IGFN1: variants seen among roughly 807,000 people sequenced by gnomAD.
The protein encoded by IGFN1 is immunoglobulin-like and fibronectin type III domain-containing protein 1.
IGFN1 carries 253 observed loss-of-function variants against 289.5 expected under a neutral mutation model. The observed-to-expected ratio is 0.87, with a 90% CI of 0.79 to 0.97. The LOEUF (loss-of-function observed/expected upper bound fraction) is 0.97. IGFN1 is among the 50% of genes least tolerant of loss of function. IGFN1 has a pLI of 0.00. For missense variants in IGFN1, 4,470 were observed against 4,686.1 expected, an observed-to-expected ratio of 0.95 and a Z score of 1.35; for synonymous variants, 1,706 against 1,788.5, an observed-to-expected ratio of 0.95 and a Z score of 1.16.
At position 201,205,261 on chromosome 1, in the gene IGFN1, C is replaced by T. The variant is rs562864069; in HGVS notation, c.1096C>T (p.Arg366Trp). The T allele has an allele frequency of 1.9e-4, 287 of 1,550,958 alleles. 2 individuals are homozygous for T. Among genetic ancestry groups the T allele is most frequent in the Non-Finnish European group, 2.3e-4 (267 of 1,146,960 alleles). ...TGTGTCCCCTGACGGGCTGACCCAC[C>T]GGCTGGTGGTGAGGGGGGCACGTTT... ...VYVSPDGLTHRLVVRGARFSD... is the reference protein window; with the variant it reads ...VYVSPDGLTHWLVVRGARFSD... The change falls in exon 11 of 24, where the codon CGG becomes TGG. Residue 366 changes from arginine (R) to tryptophan (W), a missense_variant. Coordinates refer to ENST00000335211, the MANE Select transcript of IGFN1 (RefSeq NM_001164586.2).
At position 201,200,367 on chromosome 1, in the gene IGFN1, A is replaced by G. The variant is rs1667099049; in HGVS notation, c.589A>G (p.Arg197Gly). The G allele has an allele frequency of 6.4e-7, 1 of 1,551,796 alleles. No homozygotes were observed. The highest frequency in any genetic ancestry group is 8.7e-7 in the Non-Finnish European group (1 of 1,147,012). The change falls in exon 8 of 24, where the codon AGG becomes GGG. Residue 197 changes from arginine (R) to glycine (G), a missense_variant. This residue lies in a region of IGFN1 where 2,011 missense variants were observed against 1,953.4 expected (regional missense o/e 1.03). Coordinates refer to ENST00000335211, the MANE Select transcript of IGFN1 (RefSeq NM_001164586.2). The stretch of plus-strand genomic sequence containing the variant: ...CGTCGACTACCGTGGCATGTTGCGC[A>G]GGCTGCAGGAGATGAAGAAGGAACA... ...GIVDYRGMLR[R>G]LQEMKKEQED...
Position 201,218,805 on chromosome 1 carries a change from G to C in IGFN1, c.9898+147G>C, listed in dbSNP as rs538185833. On this transcript the variant is annotated intron_variant, in intron 18 of 23. Coordinates refer to ENST00000335211, the MANE Select transcript of IGFN1 (RefSeq NM_001164586.2). ...GAGGGCTGGGATATAAAAATCAAAA[G>C]GCCTCTCGGGTGAGCCACATCTTAG... is the stretch of plus-strand genomic sequence containing the variant. 17 of 794,844 alleles carry C rather than the reference G, an allele frequency of 2.1e-5. No homozygotes were observed. In the Admixed American group the frequency reaches 4.0e-4, roughly 19 times the overall value. 49.2% of individuals were successfully genotyped at this position (794,844 alleles called of 1,614,324 possible).
rs1667604341 is a variant in IGFN1, at chr1:201,209,445, G to A, written c.4552G>A (p.Gly1518Ser). 1 of 1,536,026 alleles carries A rather than the reference G, an allele frequency of 6.5e-7. No individual in the cohort carries two copies. The highest frequency in any genetic ancestry group is 2.0e-5 in the Admixed American group (1 of 50,892). The change falls in exon 12 of 24, where the codon GGT becomes AGT. Residue 1518 changes from glycine to serine, a missense_variant. By Grantham distance (56) the Gly-to-Ser change is moderately conservative. Around this residue, in one of 8 missense-constraint regions of IGFN1, gnomAD observed 2,011 missense variants for 1,953.4 expected, o/e 1.03. Coordinates refer to ENST00000335211, the MANE Select transcript of IGFN1 (RefSeq NM_001164586.2). ...GSKAGYRGGL[G>S]SGEMGSVDKA... The stretch of plus-strand genomic sequence containing the variant: ...CAAAGCAGGTTATAGGGGTGGCTTA[G>A]GTTCTGGGGAAATGGGGTCTGTGGA...
Position 201,212,599 on chromosome 1 carries a change from AG to A in IGFN1, c.7713del (p.Leu2572TrpfsTer16), listed in dbSNP as rs770411996. On this transcript the variant is annotated frameshift_variant, in exon 12 of 24. Transcript: ENST00000335211. LOFTEE classifies it high-confidence loss of function. The stretch of plus-strand genomic sequence containing the variant: ...ACAGACAGGGGTAGAGTTGCTGGCC[AG>A]GGGGGGTTGGCATCTCAGGGAGGTG... ...GMTDRGRVAG[Q>X]GGLASQGGGD... 3.9e-6 allele frequency: 6 copies of A among 1,546,956 alleles called. No individual in the cohort carries two copies. The highest frequency in any genetic ancestry group is 1.4e-5 in the African/African-American group (1 of 72,842).
At chr1:201,214,084 C>A in intron 12 of IGFN1, 93 bp from the exon 13 acceptor site, 1 of 1,330,618 alleles carries the variant, frequency 7.5e-7, no homozygotes, top group Non-Finnish European at 1.0e-6. Context: ...ACCAGCCAAG[C>A]CCAGTTGGCA....
Position 201,228,719 on chromosome 1 carries a change from G to T in IGFN1, c.*320G>T. The stretch of plus-strand genomic sequence containing the variant: ...AGGGCACCTGCCTGCAGGATGGGCC[G>T]GCTCCTTATTTTCCTGGGCTGAGCC... On this transcript the variant is annotated 3_prime_UTR_variant, in exon 24 of 24. Coordinates refer to ENST00000335211, the MANE Select transcript of IGFN1 (RefSeq NM_001164586.2). 1 of 404,822 alleles carries T rather than the reference G, an allele frequency of 2.5e-6. No individual in the cohort carries two copies. Among genetic ancestry groups the T allele is most frequent in the African/African-American group, 2.1e-5 (1 of 48,590 alleles). The allele number at this position is 404,822 out of a possible 1,614,324, so 25.1% of individuals were successfully genotyped here.
In IGFN1 at chr1:201,215,087, G is replaced by T. The variant is rs548734153; in HGVS notation, c.8928G>T (p.Gly2976=). Residue 2976 remains glycine, a synonymous_variant, in exon 14 of 24, where the codon GGG becomes GGT. Coordinates refer to ENST00000335211, the MANE Select transcript of IGFN1 (RefSeq NM_001164586.2). ...VHSLFITHVQ[G]TQAGRYTFVA... is the part of the protein sequence containing the mutation. ...GCCTCTTCATCACGCATGTGCAGGG[G>T]ACCCAAGCTGGGAGGTACACCTTTG... 1.9e-6 allele frequency: 3 copies of T among 1,613,972 alleles called. No homozygotes were observed. The highest frequency in any genetic ancestry group is 2.7e-5 in the African/African-American group (2 of 74,900).
chr1:201,223,076 G>A (rs1262302039), intron 20 of IGFN1: 2 of 353,490 alleles, frequency 5.7e-6, no homozygotes, highest in Non-Finnish European at 1.0e-5. Context: ...AATCCCTCTA[G>A]TGGTAGCTTC....
At chr1:201,224,126 C>T (rs1199483843) in intron 20 of IGFN1, among the ~76,000 whole-genome samples, 1 of 152,218 alleles carries the variant, frequency 6.6e-6, no homozygotes, top group African/African-American at 2.4e-5. Context: ...GAGTTGACGG[C>T]ATGGTCACCA....
At chr1:201,224,331 T>C (rs1375448300) in intron 20 of IGFN1, among the ~76,000 whole-genome samples, 2 of 152,222 alleles carry the variant, frequency 1.3e-5, no homozygotes, top group Non-Finnish European at 2.9e-5. Flanking sequence ...GAACTCATTA[T>C]GCTTTCCTGC....
At position 201,193,257 on chromosome 1, in the gene IGFN1, C is replaced by G. The variant is rs1480653578; in HGVS notation, c.-37C>G. The stretch of plus-strand genomic sequence containing the variant: ...CATTTCTGTTCTCAGGGTAATAGAA[C>G]TTCTACCCTCAGAGGAGTCAAAGAG... On this transcript the variant is annotated 5_prime_UTR_variant, in exon 2 of 24. Coordinates refer to ENST00000335211, the MANE Select transcript of IGFN1 (RefSeq NM_001164586.2). The G allele has an allele frequency of 3.7e-5, 55 of 1,501,202 alleles. No individual in the cohort carries two copies. Among genetic ancestry groups the G allele is most frequent in the Non-Finnish European group, 4.5e-5 (50 of 1,100,410 alleles). 93.0% of individuals were successfully genotyped at this position (1,501,202 alleles called of 1,614,324 possible).
At position 201,213,183 on chromosome 1, in the gene IGFN1, C is replaced by T. The variant is rs748891038; in HGVS notation, c.8290C>T (p.Arg2764Ter). 40 of 1,551,472 alleles carry T rather than the reference C, an allele frequency of 2.6e-5. No individual in the cohort carries two copies. The highest frequency in any genetic ancestry group is 3.3e-4 in the Middle Eastern group (2 of 6,014). Residue 2764 changes from arginine to a stop codon, truncating the protein, a stop_gained, in exon 12 of 24, where the codon CGA becomes TGA. Coordinates refer to ENST00000335211, the MANE Select transcript of IGFN1 (RefSeq NM_001164586.2). LOFTEE classifies it high-confidence loss of function. The stretch of plus-strand genomic sequence containing the variant: ...AGGGACCCAGGACCTGAGCTCTCAG[C>T]GAGGCAAGGGACAGAGAGGAGGAAA... ...SGGTQDLSSQRGKGQRGGKRS... is the reference protein window; with the variant it reads ...SGGTQDLSSQ
At chr1:201,227,344 A>G (rs1053896850) in intron 23 of IGFN1, 136 bp downstream of exon 23, 4 of 614,262 alleles carry the variant, frequency 6.5e-6, no homozygotes, top group Admixed American at 3.2e-5. Flanking sequence ...GCCTGACTCT[A>G]TGAACTTTCA....
chr1:201,203,710 C>T lies in IGFN1; in HGVS notation c.748-28C>T, dbSNP rs1220782445. ...GGAAGCACTGAGGACCCACTGAGGC[C>T]CGCCTCCTCTTCCTTTTCTGGCCTT... On this transcript the variant is annotated intron_variant, in intron 9 of 23. Transcript: ENST00000335211. 3 of 1,548,962 alleles carry T rather than the reference C, an allele frequency of 1.9e-6. No homozygotes were observed. The South Asian group carries it at 3.6e-5, about 18-fold the overall frequency.
chr1:201,223,925 G>C (rs567680656), intron 20 of IGFN1, among the ~76,000 whole-genome samples: 1 of 152,296 alleles, frequency 6.6e-6, no homozygotes, highest in African/African-American at 2.4e-5. Flanking sequence ...TAATGACAAT[G>C]ATAATGATGG....
chr1:201,205,267 G>T lies in IGFN1; in HGVS notation c.1102G>T (p.Val368Leu), dbSNP rs1381757669. The T allele has an allele frequency of 6.4e-7, 1 of 1,550,998 alleles. No individual in the cohort carries two copies. ...CCCTGACGGGCTGACCCACCGGCTG[G>T]TGGTGAGGGGGGCACGTTTCTCAGA... ...VSPDGLTHRL[V>L]VRGARFSDMG... is the part of the protein sequence containing the mutation. Residue 368 changes from valine (V) to leucine (L), a missense_variant, in exon 11 of 24, where the codon GTG (valine) becomes TTG (leucine). Transcript: ENST00000335211.
At chr1:201,194,016 A>G (rs1488741452) in intron 2 of IGFN1, 138 bp from the exon 3 acceptor site, 1 of 967,432 alleles carries the variant, frequency 1.0e-6, no homozygotes, top group African/African-American at 1.7e-5. Context: ...AGGTACTACA[A>G]ATAATCCTGA....
Position 201,206,566 on chromosome 1 carries a change from G to A in IGFN1, c.1673G>A (p.Gly558Asp), listed in dbSNP as rs1210451166. 6.5e-6 allele frequency: 10 copies of A among 1,550,020 alleles called. No homozygotes were observed. The highest frequency in any genetic ancestry group is 8.7e-6 in the Non-Finnish European group (10 of 1,146,994). Residue 558 changes from glycine to aspartate, a missense_variant, in exon 12 of 24, where the codon GGC becomes GAC. Around this residue, in one of 8 missense-constraint regions of IGFN1, gnomAD observed 2,011 missense variants for 1,953.4 expected, o/e 1.03. Coordinates refer to ENST00000335211, the MANE Select transcript of IGFN1 (RefSeq NM_001164586.2). ...GATGAATGCTGGAGGAAAGCAGGAG[G>A]CTGGGAGGCTGGGTCCAGTCGGCTT... ...NSDECWRKAG[G>D]WEAGSSRLQA... is the part of the protein sequence containing the mutation.
chr1:201,200,418 C>A lies in IGFN1; in HGVS notation c.633+7C>A. On this transcript the variant is annotated splice_region_variant and intron_variant, in intron 8 of 23. Transcript: ENST00000335211. Reference sequence around the variant, plus strand: ...GGAGGACAAGATGGCACAGGTGCCTCACCCCATTCCCACCCCTCACTCCAT... The same window carrying A: ...GGAGGACAAGATGGCACAGGTGCCTAACCCCATTCCCACCCCTCACTCCAT... 6.5e-7 allele frequency: 1 copy of A among 1,549,284 alleles called. No individual in the cohort carries two copies. Among genetic ancestry groups the A allele is most frequent in the Non-Finnish European group, 8.7e-7 (1 of 1,145,086 alleles).
Sources: allele counts gnomAD v4.1 joint callset (sites outside exome capture counted in the v4.1 genomes callset), GRCh38; gene constraint gnomAD v4.1.1; regional missense constraint gnomAD v4.1.1; transcripts MANE v1.5; gene names NCBI Gene and HGNC (gene_info 2026-07-23, HGNC 2026-07-21).